ABCD3: variants seen among roughly 807,000 people sequenced by gnomAD.
The protein encoded by ABCD3 is ATP-binding cassette sub-family D member 3.
In ABCD3, 41 loss-of-function variants were observed where a neutral mutation model predicts 105.5. That is an observed-to-expected ratio of 0.39 (90% confidence interval 0.30 to 0.50). ABCD3 has a LOEUF of 0.50. Among genes scored for constraint, ABCD3 ranks in the 20% least tolerant of loss-of-function variants. The pLI is 0.84. For missense variants in ABCD3, 622 were observed against 806.3 expected (o/e 0.77, Z 2.77); for synonymous variants, 258 against 269.0 (o/e 0.96, Z 0.40).
At chr1:94,399,726 A>G in the ABCD3 span, among the ~76,000 whole-genome samples, 1 of 152,210 alleles carries the variant, frequency 6.6e-6, no homozygotes, top group Non-Finnish European at 1.5e-5. Context: ...AAAAAACAAA[A>G]CAAAACACAA....
At chr1:94,507,332 A>G (rs1650415543) in intron 21 of ABCD3, among the ~76,000 whole-genome samples, 1 of 152,088 alleles carries the variant, frequency 6.6e-6, no homozygotes, top group Non-Finnish European at 1.5e-5. Flanking sequence ...ATCATTTTTT[A>G]TGGCTGCATA....
intron 16 of ABCD3, among the ~76,000 whole-genome samples, chr1:94,493,188 A>T (rs1288070504): frequency 2.0e-5 from 3 of 151,958 alleles, no homozygotes; most frequent in Non-Finnish European, 4.4e-5. Flanking sequence ...AATTTTCGCA[A>T]CCTACTCATC....
chr1:94,450,295 AG>A (rs1213934174), intron 1 of ABCD3, among the ~76,000 whole-genome samples: 2 of 152,334 alleles, frequency 1.3e-5, no homozygotes, highest in East Asian at 3.9e-4. Flanking sequence ...AAAACAAATA[AG>A]GGGGACATGT....
intron 20 of ABCD3, among the ~76,000 whole-genome samples, chr1:94,502,611 C>T (rs1423421954): frequency 6.6e-6 from 1 of 151,800 alleles, no homozygotes; most frequent in African/African-American, 2.4e-5. Flanking sequence ...ATTCTCCTGC[C>T]TCAGCCTCCC....
Position 94,490,027 on chromosome 1 carries a change from A to G in ABCD3, c.1322+52A>G, listed in dbSNP as rs770022352. ...ACCATAAATGTTTGTTAAACTTCAT[A>G]GTAGTCTTTCTTTTTCAGCTTACAA... is the stretch of plus-strand genomic sequence containing the variant. On this transcript the variant is annotated intron_variant, in intron 15 of 22. Coordinates refer to ENST00000370214, the MANE Select transcript of ABCD3 (RefSeq NM_002858.4). 6.7e-6 allele frequency: 10 copies of G among 1,494,206 alleles called. No homozygotes were observed. In the South Asian group the frequency reaches 1.0e-4, roughly 15 times the overall value. 92.6% of individuals were successfully genotyped at this position (1,494,206 alleles called of 1,614,324 possible).
intron 1 of ABCD3, among the ~76,000 whole-genome samples, chr1:94,424,647 G>A (rs1659396214): frequency 6.6e-6 from 1 of 151,970 alleles, no homozygotes; most frequent in Non-Finnish European, 1.5e-5. Flanking sequence ...GAACTCCTAG[G>A]CTCAAGCGAT....
chr1:94,511,915 A>G (rs984841673), intron 21 of ABCD3, among the ~76,000 whole-genome samples: 1 of 152,188 alleles, frequency 6.6e-6, no homozygotes, highest in African/African-American at 2.4e-5. Flanking sequence ...CAAAGTTTTC[A>G]GCTTCTTTGC....
chr1:94,510,432 G>A (rs1650600948), intron 21 of ABCD3, among the ~76,000 whole-genome samples: 1 of 152,104 alleles, frequency 6.6e-6, no homozygotes, highest in Admixed American at 6.6e-5. Context: ...TTTTGGAATA[G>A]GTGTGGTGTG....
intron 1 of ABCD3, among the ~76,000 whole-genome samples, chr1:94,448,856 C>T (rs1318131515): frequency 6.6e-6 from 1 of 152,170 alleles, no homozygotes. Flanking sequence ...TGAATCTGTC[C>T]CTGAAACAGC....
intron 7 of ABCD3, among the ~76,000 whole-genome samples, chr1:94,477,499 G>A (rs779070444): frequency 4.6e-5 from 7 of 151,876 alleles, no homozygotes; most frequent in African/African-American, 7.3e-5. Flanking sequence ...GGTAATGTGC[G>A]CCTGTACTCC....
intron 4 of ABCD3, 140 bp from the exon 5 acceptor site, chr1:94,473,626 A>AAAC (rs1648594520): frequency 2.2e-5 from 15 of 694,088 alleles, no homozygotes; most frequent in Non-Finnish European, 3.8e-5. Flanking sequence ...TTTGCAAAAA[A>AAAC]GTGGTTTTTA....
At position 94,517,097 on chromosome 1, in the gene ABCD3, A is replaced by G. The variant is rs1006580787; in HGVS notation, c.1948A>G (p.Ile650Val). Reference protein sequence around the residue: ...DGRGNYEFKQITEDTVEFGS With the variant: ...DGRGNYEFKQVTEDTVEFGS Reference sequence around the variant, plus strand: ...CAGAGGCAACTATGAATTCAAACAGATAACAGAAGATACAGTTGAGTTTGG... The same window carrying G: ...CAGAGGCAACTATGAATTCAAACAGGTAACAGAAGATACAGTTGAGTTTGG... The change falls in exon 23 of 23, where the codon ATA becomes GTA. Residue 650 changes from isoleucine to valine, a missense_variant. Physicochemically the swap from Ile to Val is conservative, Grantham distance 29. Coordinates refer to ENST00000370214, the MANE Select transcript of ABCD3 (RefSeq NM_002858.4). The G allele has an allele frequency of 1.9e-6, 3 of 1,611,016 alleles. No individual in the cohort carries two copies. The highest frequency in any genetic ancestry group is 1.7e-4 in the Middle Eastern group (1 of 6,042).
At chr1:94,436,694 T>C (rs1056437465) in intron 1 of ABCD3, among the ~76,000 whole-genome samples, 19 of 152,224 alleles carry the variant, frequency 1.2e-4, no homozygotes, top group African/African-American at 4.6e-4. Context: ...TCTCGTGATA[T>C]TTCAAACTTT....
the ABCD3 span, among the ~76,000 whole-genome samples, chr1:94,413,283 T>C: frequency 6.6e-6 from 1 of 152,226 alleles, no homozygotes; most frequent in Non-Finnish European, 1.5e-5. Context: ...ATGAGGTATG[T>C]ATTCAATTTT....
intron 1 of ABCD3, among the ~76,000 whole-genome samples, chr1:94,428,743 A>G (rs577535769): frequency 6.6e-6 from 1 of 151,714 alleles, no homozygotes; most frequent in African/African-American, 2.4e-5. Context: ...GCCATGTGGA[A>G]CTGTGAGTCC....
chr1:94,429,762 G>A (rs1659603481), intron 1 of ABCD3, among the ~76,000 whole-genome samples: 1 of 152,210 alleles, frequency 6.6e-6, no homozygotes, highest in Non-Finnish European at 1.5e-5. Context: ...GCAGGGATGG[G>A]GCCCACATGG....
chr1:94,399,714 CA>C, the ABCD3 span, among the ~76,000 whole-genome samples: 181 of 152,150 alleles, frequency 1.2e-3, no homozygotes, highest in African/African-American at 4.2e-3. Flanking sequence ...TTGTAACAAT[CA>C]AAAAAACAAA....
rs1557684204 is a variant in ABCD3, at chr1:94,489,728, T to C, written c.1161T>C (p.Phe387=). ...AGREMTRLAG[F]TARITELMQV... is the part of the protein sequence containing the mutation. ...GTTTCCTTTTCTAAAATTTTAGTTTTACTGCTCGGATTACAGAATTAATGC... is the reference window on the plus strand; with the variant it reads ...GTTTCCTTTTCTAAAATTTTAGTTTCACTGCTCGGATTACAGAATTAATGC... The change falls in exon 14 of 23, where the codon TTT becomes TTC. Residue 387 remains phenylalanine (F), a synonymous_variant. Coordinates refer to ENST00000370214, the MANE Select transcript of ABCD3 (RefSeq NM_002858.4). 6.2e-7 allele frequency: 1 copy of C among 1,612,246 alleles called. No homozygotes were observed.
At chr1:94,404,183 A>G in the ABCD3 span, among the ~76,000 whole-genome samples, 1 of 152,106 alleles carries the variant, frequency 6.6e-6, no homozygotes, top group Non-Finnish European at 1.5e-5. Flanking sequence ...GTCAGTGATA[A>G]CTCTAGATCC....
Sources: gnomAD v4.1 joint callset for allele counts (sites outside exome capture counted in the v4.1 genomes callset) on GRCh38, gnomAD v4.1.1 for gene constraint, MANE v1.5 for transcripts, NCBI Gene and HGNC (gene_info 2026-07-23, HGNC 2026-07-21) for gene names.